The following CACNA1E variants were observed in gnomAD, a reference collection of about 807,000 sequenced individuals.
CACNA1E encodes the protein calcium voltage-gated channel subunit alpha1 E, also known as voltage-dependent R-type calcium channel subunit alpha-1E.
A neutral mutation model predicts 259.2 loss-of-function variants in CACNA1E; 40 were observed. The observed-to-expected ratio is 0.15, with a 90% CI of 0.12 to 0.20. CACNA1E has a LOEUF of 0.20. CACNA1E is among the 10% of genes least tolerant of loss of function. CACNA1E has a pLI of 1.00. For missense variants in CACNA1E, 1,874 were observed against 3,040.1 expected (o/e 0.62, Z 9.02); for synonymous variants, 1,104 against 1,138.5 (o/e 0.97, Z 0.61).
intron 2 of CACNA1E, among the ~76,000 whole-genome samples, chr1:181,468,143 A>G (rs1662266719): frequency 6.6e-6 from 1 of 152,240 alleles, no homozygotes; most frequent in African/African-American, 2.4e-5. Context: ...CCCACATCAC[A>G]TCTCTAGATA....
rs1558372684 is a variant in CACNA1E, at chr1:181,772,308, G to A, written c.5139+77G>A. On this transcript the variant is annotated intron_variant, in intron 37 of 47. Transcript: ENST00000367573. ...CTAACCCTCTGATACATAGACCGGAGATGTTTGCTTCAGTGTATGTTTGTG... is the reference window on the plus strand; with the variant it reads ...CTAACCCTCTGATACATAGACCGGAAATGTTTGCTTCAGTGTATGTTTGTG... The A allele has an allele frequency of 4.8e-6, 7 of 1,445,482 alleles. No individual in the cohort carries two copies. The East Asian group carries it at 9.1e-5, about 19-fold the overall frequency. 89.5% of individuals were successfully genotyped at this position (1,445,482 alleles called of 1,614,324 possible). A position where few individuals can be genotyped will look rare whatever the true frequency, so the allele number is the denominator to read the frequency against.
At chr1:181,708,515 C>T (rs779242465) in intron 7 of CACNA1E, among the ~76,000 whole-genome samples, 7 of 152,234 alleles carry the variant, frequency 4.6e-5, no homozygotes, top group African/African-American at 9.6e-5. Flanking sequence ...CTTCAATTCT[C>T]CTCTTTCAAG....
chr1:181,326,012 C>T (rs114039808), intron 1 of CACNA1E, among the ~76,000 whole-genome samples: 2,792 of 152,322 alleles, frequency 0.018, 39 homozygotes, highest in African/African-American at 0.035. Context: ...CTCCTCCACC[C>T]GCTCCGCCGC....
intron 1 of CACNA1E, among the ~76,000 whole-genome samples, chr1:181,365,460 C>G (rs2101933986): frequency 6.6e-6 from 1 of 152,402 alleles, no homozygotes; most frequent in East Asian, 1.9e-4. Flanking sequence ...GCATGAGTCA[C>G]TGCACCTGGC....
intron 7 of CACNA1E, among the ~76,000 whole-genome samples, chr1:181,670,828 A>G (rs1028587619): frequency 3.3e-5 from 5 of 152,146 alleles, no homozygotes; most frequent in Non-Finnish European, 5.9e-5. Context: ...GTGTTTTCAC[A>G]TTGTATGTTC....
At chr1:181,636,471 A>G (rs1338317320) in intron 6 of CACNA1E, among the ~76,000 whole-genome samples, 1 of 152,224 alleles carries the variant, frequency 6.6e-6, no homozygotes, top group Non-Finnish European at 1.5e-5. Flanking sequence ...ATATCACAGA[A>G]TTGGCCTAGA....
chr1:181,492,445 A>G (rs1381551716), intron 1 of CACNA1E, among the ~76,000 whole-genome samples: 1 of 152,230 alleles, frequency 6.6e-6, no homozygotes, highest in Non-Finnish European at 1.5e-5. Flanking sequence ...CAGATGACAG[A>G]GGAATTGGTA....
At position 181,719,836 on chromosome 1, in the gene CACNA1E, G is replaced by A. The variant is rs2102476576; in HGVS notation, c.1724G>A (p.Arg575Gln). 2 of 1,585,730 alleles carry A rather than the reference G, an allele frequency of 1.3e-6. No homozygotes were observed. The highest frequency in any genetic ancestry group is 1.7e-6 in the Non-Finnish European group (2 of 1,163,792). ...SFGISVLRAL[R>Q]LLRIFKITKY... ...GGAATCAGTGTCTTGCGAGCCCTCC[G>A]GCTTCTAAGAATATTTAAAATAACC... Residue 575 changes from arginine (R) to glutamine (Q), a missense_variant, in exon 13 of 48, where the codon CGG becomes CAG. Arg to Gln is a conservative substitution (Grantham distance 43). Coordinates refer to ENST00000367573, the MANE Select transcript of CACNA1E (RefSeq NM_001205293.3).
At chr1:181,349,770 T>A (rs1652892128) in intron 1 of CACNA1E, among the ~76,000 whole-genome samples, 1 of 151,670 alleles carries the variant, frequency 6.6e-6, no homozygotes, top group Non-Finnish European at 1.5e-5. Flanking sequence ...TAGGGAGGAA[T>A]CAGGGCTGTG....
chr1:181,594,492 A>G (rs993003994), intron 6 of CACNA1E, among the ~76,000 whole-genome samples: 3 of 152,204 alleles, frequency 2.0e-5, no homozygotes, highest in Non-Finnish European at 4.4e-5. Context: ...TCCACCTCCC[A>G]GGTTCAAGTG....
At chr1:181,577,392 A>G (rs1317599820) in intron 3 of CACNA1E, among the ~76,000 whole-genome samples, 4 of 152,186 alleles carry the variant, frequency 2.6e-5, no homozygotes, top group Non-Finnish European at 5.9e-5. Flanking sequence ...GAAAATTTTG[A>G]AATAAAAAAA....
rs771483874 is a variant in CACNA1E, at chr1:181,798,504, T to C, written c.6612T>C (p.Asn2204=). Residue 2204 remains asparagine (N), a synonymous_variant, in exon 48 of 48, where the codon AAT becomes AAC. Transcript: ENST00000367573. The surrounding 1 kb of genome is among the most constrained non-coding windows in gnomAD (Gnocchi z 4.2). ...PLTSQALESN[N]ACLTESSNSP... ...CCTCCCAAGCTCTGGAGAGCAACAATGCTTGCCTGACCGAGTCTTCCAACT... is the reference window on the plus strand; with the variant it reads ...CCTCCCAAGCTCTGGAGAGCAACAACGCTTGCCTGACCGAGTCTTCCAACT... The C allele has an allele frequency of 2.9e-5, 47 of 1,613,744 alleles. No individual in the cohort carries two copies. The highest frequency in any genetic ancestry group is 3.9e-5 in the Non-Finnish European group (46 of 1,179,886).
At chr1:181,632,744 C>T (rs1483145433) in intron 6 of CACNA1E, among the ~76,000 whole-genome samples, 3 of 152,064 alleles carry the variant, frequency 2.0e-5, no homozygotes, top group Admixed American at 2.0e-4. Flanking sequence ...CCCCTGGACC[C>T]ATGCAGATTG....
At position 181,798,195 on chromosome 1, in the gene CACNA1E, C is replaced by G; in HGVS notation, c.6400-97C>G. The G allele has an allele frequency of 9.6e-7, 1 of 1,039,994 alleles. No homozygotes were observed. The highest frequency in any genetic ancestry group is 2.2e-5 in the Admixed American group (1 of 45,124). The allele number at this position is 1,039,994 out of a possible 1,614,324, so 64.4% of individuals were successfully genotyped here. A position where few individuals can be genotyped will look rare whatever the true frequency, so the allele number is the denominator to read the frequency against. Reference sequence around the variant, plus strand: ...AGGGAGCTCCAGCTCAGGCCTCTCCCTGACAGAATTCAGATTCCAAGGACT... The same window carrying G: ...AGGGAGCTCCAGCTCAGGCCTCTCCGTGACAGAATTCAGATTCCAAGGACT... On this transcript the variant is annotated intron_variant, in intron 47 of 47. Transcript: ENST00000367573. This position sits in a 1 kb window ranked among gnomAD's most constrained non-coding sequence, Gnocchi z 4.2.
At position 181,752,059 on chromosome 1, in the gene CACNA1E, C is replaced by CTGTT. The variant is rs1657646820; in HGVS notation, c.3732-83_3732-80dup. The CTGTT allele has an allele frequency of 4.1e-6, 4 of 965,192 alleles. No individual in the cohort carries two copies. The African/African-American group carries it at 6.4e-5, about 15-fold the overall frequency. 59.8% of individuals were successfully genotyped at this position (965,192 alleles called of 1,614,324 possible). A position where few individuals can be genotyped will look rare whatever the true frequency, so the allele number is the denominator to read the frequency against. On this transcript the variant is annotated intron_variant, in intron 26 of 47. Transcript: ENST00000367573. ...TCCCATACATCTCTCCCCTTTTAGC[C>CTGTT]TGTTGTTACTAATGCCATAGTTTGA...
intron 3 of CACNA1E, among the ~76,000 whole-genome samples, chr1:181,560,865 A>G (rs1424340288): frequency 6.6e-6 from 1 of 152,256 alleles, no homozygotes; most frequent in East Asian, 1.9e-4. Context: ...GAATGGATAA[A>G]CAAAATGTGG....
Position 181,674,659 on chromosome 1 carries a change from C to T in CACNA1E, c.1055+23218C>T, listed in dbSNP as rs536622524. 8.5e-5 allele frequency among the ~76,000 whole-genome samples: 13 copies of T among 152,248 alleles called. No individual in the cohort carries two copies. The South Asian group carries it at 1.9e-3, about 22-fold the overall frequency. ...GGGCCAGTTATCTGACCTCTTCCTG[C>T]GAGGGCAGTGCAGCAGGGGTGTGGG... On this transcript the variant is annotated intron_variant, in intron 7 of 47. Coordinates refer to ENST00000367573, the MANE Select transcript of CACNA1E (RefSeq NM_001205293.3).
chr1:181,547,079 C>T (rs1647557378), intron 3 of CACNA1E, among the ~76,000 whole-genome samples: 1 of 152,156 alleles, frequency 6.6e-6, no homozygotes, highest in Non-Finnish European at 1.5e-5. Context: ...CCATGAAAAT[C>T]TCACTAAAGC....
chr1:181,772,365 C>A, intron 37 of CACNA1E, 134 bp downstream of exon 37: 2 of 804,684 alleles, frequency 2.5e-6, no homozygotes, highest in Admixed American at 4.4e-5. Context: ...ACACCCCCAC[C>A]ATGCACACAC....
Sources: allele counts gnomAD v4.1 joint callset (sites outside exome capture counted in the v4.1 genomes callset), GRCh38; gene constraint gnomAD v4.1.1; non-coding constraint Gnocchi (gnomAD v3.1); transcripts MANE v1.5; gene names NCBI Gene and HGNC (gene_info 2026-07-23, HGNC 2026-07-21).